Variants in PLEKHF2 observed in about 807,000 individuals in gnomAD.
PLEKHF2 encodes the protein pleckstrin homology and FYVE domain containing 2.
Under a neutral mutation model 14.7 loss-of-function variants are expected in PLEKHF2, and 4 were observed. The ratio of observed to expected loss-of-function variants is 0.27; its 90% CI spans 0.13 to 0.62. The LOEUF (loss-of-function observed/expected upper bound fraction) is 0.62, where lower values mean the gene tolerates loss of function less well. Among genes scored for constraint, PLEKHF2 ranks in the 20% least tolerant of loss-of-function variants. The probability of loss-of-function intolerance (pLI) is 0.85; values close to 1 mark genes in which losing one functional copy is unlikely to be tolerated. For synonymous variants in PLEKHF2, 90 were observed against 103.5 expected, an observed-to-expected ratio of 0.87 and a Z score of 0.79; for missense variants, 201 against 307.7, an observed-to-expected ratio of 0.65 and a Z score of 2.60.
intron 1 of PLEKHF2, among the ~76,000 whole-genome samples, chr8:95,148,929 G>A (rs997957527): frequency 2.0e-5 from 3 of 151,806 alleles, no homozygotes; most frequent in South Asian, 2.1e-4. Flanking sequence ...GAAAAATAGC[G>A]CAAAGAAAAG....
At chr8:95,149,502 A>G (rs954494485) in intron 1 of PLEKHF2, among the ~76,000 whole-genome samples, 1 of 152,238 alleles carries the variant, frequency 6.6e-6, no homozygotes, top group Non-Finnish European at 1.5e-5. Flanking sequence ...AGTGAGTAAA[A>G]TGAATAAAGC....
chr8:95,154,004 C>T lies in PLEKHF2; in HGVS notation c.-14-27C>T, dbSNP rs765279933. The T allele has an allele frequency of 4.1e-6, 6 of 1,447,236 alleles. No homozygotes were observed. In the Admixed American group the frequency reaches 1.2e-4, roughly 29 times the overall value. 89.6% of individuals were successfully genotyped at this position (1,447,236 alleles called of 1,614,324 possible). On this transcript the variant is annotated intron_variant, in intron 1 of 1. Coordinates refer to ENST00000315367, the MANE Select transcript of PLEKHF2 (RefSeq NM_024613.4). This position sits in a 1 kb window ranked among gnomAD's most constrained non-coding sequence, Gnocchi z 5.6. ...TATAGGAATTTATAATTTATATGTG[C>T]TAATTTCTTTTTCTTTTTTTTAAAA...
At chr8:95,138,027 C>G (rs921007879) in intron 1 of PLEKHF2, among the ~76,000 whole-genome samples, 3 of 152,194 alleles carry the variant, frequency 2.0e-5, no homozygotes, top group African/African-American at 7.2e-5. Context: ...CATGAACTCA[C>G]TAGACCACAT....
chr8:95,156,263 A>T lies in PLEKHF2; in HGVS notation c.*1469A>T, dbSNP rs1810618340. On this transcript the variant is annotated 3_prime_UTR_variant, in exon 2 of 2. Coordinates refer to ENST00000315367, the MANE Select transcript of PLEKHF2 (RefSeq NM_024613.4). ...ATCTTCAAATCTGAATATACCGCAA[A>T]TGTCATGAGAAGTTTGATTCAGTAA... 6.0e-6 allele frequency: 1 copy of T among 167,052 alleles called. No individual in the cohort carries two copies. The highest frequency in any genetic ancestry group is 2.4e-5 in the African/African-American group (1 of 41,456). 10.3% of individuals were successfully genotyped at this position (167,052 alleles called of 1,614,324 possible).
In PLEKHF2 at chr8:95,156,252, A is replaced by C. The variant is rs1442675303; in HGVS notation, c.*1458A>C. On this transcript the variant is annotated 3_prime_UTR_variant, in exon 2 of 2. Coordinates refer to ENST00000315367, the MANE Select transcript of PLEKHF2 (RefSeq NM_024613.4). Reference sequence around the variant, plus strand: ...AAATTTAAAAAATCTTCAAATCTGAATATACCGCAAATGTCATGAGAAGTT... The same window carrying C: ...AAATTTAAAAAATCTTCAAATCTGACTATACCGCAAATGTCATGAGAAGTT... 7.8e-5 allele frequency: 13 copies of C among 167,070 alleles called. No homozygotes were observed. Among genetic ancestry groups the C allele is most frequent in the Non-Finnish European group, 4.4e-5 (3 of 68,102 alleles). The allele number at this position is 167,070 out of a possible 1,614,324, so 10.3% of individuals were successfully genotyped here.
chr8:95,140,304 T>C lies in PLEKHF2; in HGVS notation c.-15+6274T>C, dbSNP rs142181390. 1.2e-4 allele frequency among the ~76,000 whole-genome samples: 18 copies of C among 152,368 alleles called. No homozygotes were observed. The East Asian group carries it at 3.5e-3, about 29-fold the overall frequency. ...CTATGCCTCAGTTATCTGCCAATTA[T>C]TGTGGTTCAGGCTTTTCTTACCTTT... On this transcript the variant is annotated intron_variant, in intron 1 of 1. Coordinates refer to ENST00000315367, the MANE Select transcript of PLEKHF2 (RefSeq NM_024613.4).
intron 1 of PLEKHF2, chr8:95,134,256 C>G (rs1416733907): frequency 6.7e-6 from 1 of 148,930 alleles, no homozygotes; most frequent in Non-Finnish European, 1.5e-5. Context: ...TTGCCGCCGC[C>G]GTCCCGCCAG....
chr8:95,141,465 T>C (rs1257922565), intron 1 of PLEKHF2, among the ~76,000 whole-genome samples: 1 of 152,150 alleles, frequency 6.6e-6, no homozygotes, highest in Non-Finnish European at 1.5e-5. Flanking sequence ...TTTTGTGTTA[T>C]TTTTCCCCCC....
At chr8:95,137,289 CAG>C (rs1280579431) in intron 1 of PLEKHF2, among the ~76,000 whole-genome samples, 5 of 152,184 alleles carry the variant, frequency 3.3e-5, no homozygotes, top group African/African-American at 1.2e-4. Flanking sequence ...AACAAATGAA[CAG>C]AGTGGCAGTG....
At chr8:95,148,925 T>C (rs2132109644) in intron 1 of PLEKHF2, among the ~76,000 whole-genome samples, 1 of 151,874 alleles carries the variant, frequency 6.6e-6, no homozygotes, top group Middle Eastern at 3.4e-3. Context: ...GGAAGAAAAA[T>C]AGCGCAAAGA....
In PLEKHF2 at chr8:95,154,436, C is replaced by A; in HGVS notation, c.392C>A (p.Thr131Asn). 1.2e-6 allele frequency: 2 copies of A among 1,614,030 alleles called. No homozygotes were observed. The highest frequency in any genetic ancestry group is 1.7e-6 in the Non-Finnish European group (2 of 1,179,920). The change falls in exon 2 of 2, where the codon ACT (threonine) becomes AAT (asparagine). Residue 131 changes from threonine (T) to asparagine (N), a missense_variant. Coordinates refer to ENST00000315367, the MANE Select transcript of PLEKHF2 (RefSeq NM_024613.4). This position sits in a 1 kb window ranked among gnomAD's most constrained non-coding sequence, Gnocchi z 5.6. ...EWMNHINKCVTDLLSKSGKTP... is the reference protein window; with the variant it reads ...EWMNHINKCVNDLLSKSGKTP... Reference sequence around the variant, plus strand: ...ATGAATCATATAAATAAATGTGTTACTGATTTACTCTCCAAAAGTGGGAAG... The same window carrying A: ...ATGAATCATATAAATAAATGTGTTAATGATTTACTCTCCAAAAGTGGGAAG...
At chr8:95,138,042 C>T (rs1232607084) in intron 1 of PLEKHF2, among the ~76,000 whole-genome samples, 1 of 152,096 alleles carries the variant, frequency 6.6e-6, no homozygotes, top group Non-Finnish European at 1.5e-5. Flanking sequence ...CCACATAGTC[C>T]CTCCTCTCCT....
intron 1 of PLEKHF2, among the ~76,000 whole-genome samples, chr8:95,138,359 C>A (rs1178957164): frequency 1.2e-5 from 1 of 80,188 alleles, no homozygotes; most frequent in South Asian, 5.9e-4. Context: ...ATCTTCCCCC[C>A]CCCCCCGCCC....
At chr8:95,137,367 A>G in intron 1 of PLEKHF2, among the ~76,000 whole-genome samples, 1 of 152,264 alleles carries the variant, frequency 6.6e-6, no homozygotes, top group East Asian at 1.9e-4. Context: ...TACCTAGTTC[A>G]GTTTTCAGCC....
intron 1 of PLEKHF2, among the ~76,000 whole-genome samples, chr8:95,140,237 CT>C (rs1057195476): frequency 6.6e-6 from 1 of 152,226 alleles, no homozygotes; most frequent in African/African-American, 2.4e-5. Context: ...TCTTACAGTC[CT>C]TTTTCATCCA....
In PLEKHF2 at chr8:95,155,700, T is replaced by C. The variant is rs1810611719; in HGVS notation, c.*906T>C. 6.0e-6 allele frequency: 1 copy of C among 167,060 alleles called. No homozygotes were observed. Among genetic ancestry groups the C allele is most frequent in the Non-Finnish European group, 1.5e-5 (1 of 68,094 alleles). 10.3% of individuals were successfully genotyped at this position (167,060 alleles called of 1,614,324 possible). A position where few individuals can be genotyped will look rare whatever the true frequency, so the allele number is the denominator to read the frequency against. ...AACATTATTTCTGGATTGAAAATCT[T>C]ATAAAACCCTTGAAAATAAACAGTC... On this transcript the variant is annotated 3_prime_UTR_variant, in exon 2 of 2. Coordinates refer to ENST00000315367, the MANE Select transcript of PLEKHF2 (RefSeq NM_024613.4).
At chr8:95,149,633 T>A (rs1810536659) in intron 1 of PLEKHF2, among the ~76,000 whole-genome samples, 1 of 152,176 alleles carries the variant, frequency 6.6e-6, no homozygotes. Context: ...ACTTCCAGAA[T>A]GGAAATTTTG....
chr8:95,137,936 T>C (rs1810393884), intron 1 of PLEKHF2, among the ~76,000 whole-genome samples: 1 of 152,242 alleles, frequency 6.6e-6, no homozygotes, highest in Non-Finnish European at 1.5e-5. Flanking sequence ...CTTTTTGTCC[T>C]TATTGTCACC....
At chr8:95,148,122 G>GAT (rs973911045) in intron 1 of PLEKHF2, among the ~76,000 whole-genome samples, 1 of 151,648 alleles carries the variant, frequency 6.6e-6, no homozygotes, top group African/African-American at 2.4e-5. Flanking sequence ...TCCTATTTCA[G>GAT]ATATATATAC....
Sources: allele counts gnomAD v4.1 joint callset (sites outside exome capture counted in the v4.1 genomes callset), GRCh38; gene constraint gnomAD v4.1.1; non-coding constraint Gnocchi (gnomAD v3.1); transcripts MANE v1.5; gene names NCBI Gene and HGNC (gene_info 2026-07-23, HGNC 2026-07-21).